ANKRD12: variants seen among roughly 807,000 people sequenced by gnomAD.
ANKRD12 encodes ankyrin repeat domain-containing protein 12.
A neutral mutation model predicts 183.4 loss-of-function variants in ANKRD12; 85 were observed. That is an observed-to-expected ratio of 0.46 (90% CI 0.39 to 0.56). The LOEUF is 0.56. Among genes scored for constraint, ANKRD12 ranks in the 20% least tolerant of loss-of-function variants. The pLI is 0.00. For synonymous variants in ANKRD12, 914 were observed against 800.2 expected (o/e 1.14, Z -2.40); for missense variants, 2,405 against 2,357.1 (o/e 1.02, Z -0.42).
intron 1 of ANKRD12, among the ~76,000 whole-genome samples, chr18:9,155,020 G>C (rs889110298): frequency 2.0e-5 from 3 of 152,152 alleles, no homozygotes; most frequent in African/African-American, 7.2e-5. Flanking sequence ...ACTGGATTAG[G>C]TTTTCTAACT....
chr18:9,252,228 T>A (rs911079741), intron 8 of ANKRD12, among the ~76,000 whole-genome samples: 2 of 152,094 alleles, frequency 1.3e-5, no homozygotes, highest in African/African-American at 2.4e-5. Flanking sequence ...GTGATTAAAT[T>A]TAAAAATTGG....
Position 9,257,220 on chromosome 18 carries a change from A to T in ANKRD12, c.3953A>T (p.Glu1318Val). The change falls in exon 9 of 13, where the codon GAA (glutamate) becomes GTA (valine). Residue 1318 changes from glutamate (E) to valine (V), a missense_variant. Coordinates refer to ENST00000262126, the MANE Select transcript of ANKRD12 (RefSeq NM_015208.5). ...TGTAGCATGCCTTCTGTCATTTGTG[A>T]ACATACCAAACAATTCCAAACAATA... is the stretch of plus-strand genomic sequence containing the variant. The part of the protein sequence containing the change: ...RRCSMPSVIC[E>V]HTKQFQTISE... The T allele has an allele frequency of 6.2e-7, 1 of 1,614,136 alleles. No homozygotes were observed. Among genetic ancestry groups the T allele is most frequent in the Non-Finnish European group, 8.5e-7 (1 of 1,180,000 alleles).
In ANKRD12 at chr18:9,219,013, C is replaced by T. The variant is rs148900082; in HGVS notation, c.795+2113C>T. On this transcript the variant is annotated intron_variant, in intron 7 of 12. Coordinates refer to ENST00000262126, the MANE Select transcript of ANKRD12 (RefSeq NM_015208.5). ...CTTATTTCTAGTTCTATTTTAGATA[C>T]GTATCATCTTTTGTCATCATTTTTA... Among the ~76,000 whole-genome samples the T allele has an allele frequency of 3.3e-5, 5 of 152,222 alleles. No individual in the cohort carries two copies. In the East Asian group the frequency reaches 5.8e-4, roughly 18 times the overall value.
chr18:9,254,982 C>T lies in ANKRD12; in HGVS notation c.1715C>T (p.Ser572Phe). 1 of 1,608,050 alleles carries T rather than the reference C, an allele frequency of 6.2e-7. No homozygotes were observed. Among genetic ancestry groups the T allele is most frequent in the Non-Finnish European group, 8.5e-7 (1 of 1,177,736 alleles). ...HTKTCLSPGS[S>F]EMSLQPDLVR... ...AAAACATGTTTATCACCAGGAAGTTCTGAAATGTCATTACAGCCTGATCTT... is the reference window on the plus strand; with the variant it reads ...AAAACATGTTTATCACCAGGAAGTTTTGAAATGTCATTACAGCCTGATCTT... Residue 572 changes from serine to phenylalanine, a missense_variant, in exon 9 of 13, where the codon TCT (serine) becomes TTT (phenylalanine). Physicochemically the swap from Ser to Phe is radical, Grantham distance 155 (BLOSUM62 -2). Coordinates refer to ENST00000262126, the MANE Select transcript of ANKRD12 (RefSeq NM_015208.5).
intron 1 of ANKRD12, among the ~76,000 whole-genome samples, chr18:9,150,779 G>T (rs796206241): frequency 2.0e-5 from 3 of 151,864 alleles, no homozygotes; most frequent in Non-Finnish European, 4.4e-5. Context: ...TCAGCCTCCC[G>T]AGTAGCTGGG....
intron 2 of ANKRD12, among the ~76,000 whole-genome samples, chr18:9,186,136 GATTTT>G (rs1051786731): frequency 4.9e-5 from 7 of 141,894 alleles, no homozygotes; most frequent in Non-Finnish European, 1.1e-4. Flanking sequence ...CTAAAAGTGT[GATTTT>G]TTTTTTTTTT....
chr18:9,211,804 A>G lies in ANKRD12; in HGVS notation c.652+20A>G, dbSNP rs1314584823. The G allele has an allele frequency of 1.3e-6, 2 of 1,587,874 alleles. No individual in the cohort carries two copies. Among genetic ancestry groups the G allele is most frequent in the African/African-American group, 2.7e-5 (2 of 74,298 alleles). On this transcript the variant is annotated intron_variant, in intron 6 of 12. Transcript: ENST00000262126. ...TTGCAGGTAAGACTAGTAATTCAAT[A>G]CCTACTATTCAGGCACTAAAATTTA...
At chr18:9,259,630 G>A in intron 9 of ANKRD12, 1 of 152,112 alleles carries the variant, frequency 6.6e-6, no homozygotes, top group Admixed American at 6.5e-5. Context: ...GAGACTAAAA[G>A]CATAGGTGAG....
At chr18:9,190,026 T>G (rs966899521) in intron 2 of ANKRD12, among the ~76,000 whole-genome samples, 4 of 152,322 alleles carry the variant, frequency 2.6e-5, no homozygotes, top group Admixed American at 2.0e-4. Flanking sequence ...GCAAAAAAAT[T>G]GAAAACCATC....
chr18:9,251,606 C>G (rs1160518571), intron 8 of ANKRD12, among the ~76,000 whole-genome samples: 1 of 152,022 alleles, frequency 6.6e-6, no homozygotes, highest in Non-Finnish European at 1.5e-5. Context: ...CCAGTCTGAC[C>G]AACATGGTGA....
intron 7 of ANKRD12, 85 bp downstream of exon 7, chr18:9,216,985 A>G (rs1310799160): frequency 1.5e-6 from 2 of 1,305,670 alleles, no homozygotes; most frequent in East Asian, 2.5e-5. Flanking sequence ...TCTTAGTCAT[A>G]TGATCTGTGT....
chr18:9,160,865 G>A (rs186712057), intron 1 of ANKRD12, among the ~76,000 whole-genome samples: 1 of 152,286 alleles, frequency 6.6e-6, no homozygotes, highest in African/African-American at 2.4e-5. Flanking sequence ...GTTTAGATAG[G>A]GTTGAAATGA....
At chr18:9,227,482 T>G (rs2036787755) in intron 8 of ANKRD12, among the ~76,000 whole-genome samples, 2 of 152,196 alleles carry the variant, frequency 1.3e-5, no homozygotes, top group South Asian at 4.1e-4. Context: ...TTGGAATATC[T>G]TAAAATTCCA....
At chr18:9,273,490 G>A (rs2039698555) in intron 10 of ANKRD12, among the ~76,000 whole-genome samples, 1 of 152,176 alleles carries the variant, frequency 6.6e-6, no homozygotes, top group Admixed American at 6.5e-5. Context: ...TGTAACAAGT[G>A]CTGGTGAGGA....
intron 10 of ANKRD12, among the ~76,000 whole-genome samples, chr18:9,275,080 A>G (rs988774612): frequency 6.6e-6 from 1 of 152,212 alleles, no homozygotes; most frequent in East Asian, 1.9e-4. Flanking sequence ...AGTACTAGCT[A>G]CTCAGAAGGC....
At chr18:9,215,066 G>A (rs1217200628) in intron 6 of ANKRD12, among the ~76,000 whole-genome samples, 2 of 152,128 alleles carry the variant, frequency 1.3e-5, no homozygotes, top group African/African-American at 4.8e-5. Context: ...AGTGGCTTCA[G>A]TCCACTGATA....
At chr18:9,277,025 G>A (rs1196182038) in intron 11 of ANKRD12, among the ~76,000 whole-genome samples, 2 of 152,128 alleles carry the variant, frequency 1.3e-5, no homozygotes, top group African/African-American at 4.8e-5. Flanking sequence ...ATGAGTTTTA[G>A]AGCAATATAA....
intron 1 of ANKRD12, among the ~76,000 whole-genome samples, chr18:9,156,295 C>T (rs1304041456): frequency 3.3e-5 from 5 of 151,240 alleles, no homozygotes; most frequent in African/African-American, 1.2e-4. Context: ...ATAATTAATT[C>T]TGAAATTCAT....
rs573624770 is a variant in ANKRD12, at chr18:9,231,375, T to A, written c.943+9376T>A. ...GTCCCCCGTTACTATTGTATTGGAG[T>A]CTTCCTTTGTATCTAGGAGTATTTG... On this transcript the variant is annotated intron_variant, in intron 8 of 12. Transcript: ENST00000262126. Among the ~76,000 whole-genome samples the A allele has an allele frequency of 8.5e-5, 13 of 152,252 alleles. No individual in the cohort carries two copies. In the South Asian group the frequency reaches 2.7e-3, roughly 32 times the overall value.
Sources: allele counts gnomAD v4.1 joint callset (sites outside exome capture counted in the v4.1 genomes callset), GRCh38; gene constraint gnomAD v4.1.1; transcripts MANE v1.5; gene names NCBI Gene and HGNC (gene_info 2026-07-23, HGNC 2026-07-21).